KSR2: variants seen among roughly 807,000 people sequenced by gnomAD.
The protein encoded by KSR2 is kinase suppressor of ras 2.
In KSR2, 25 loss-of-function variants were observed where a neutral mutation model predicts 107.8. The observed-to-expected ratio is 0.23, with a 90% CI of 0.17 to 0.32. The LOEUF is 0.32. KSR2 is among the 10% of genes least tolerant of loss of function. KSR2 has a pLI of 1.00. For missense variants in KSR2, 887 were observed against 1,268.9 expected, an observed-to-expected ratio of 0.70 and a Z score of 4.57; for synonymous variants, 480 against 507.0, an observed-to-expected ratio of 0.95 and a Z score of 0.71.
intron 16 of KSR2, among the ~76,000 whole-genome samples, chr12:117,482,961 G>A (rs1254744573): frequency 1.3e-5 from 2 of 152,314 alleles, no homozygotes; most frequent in East Asian, 3.9e-4. Context: ...CAGTTCCCTT[G>A]GGACACTGGG....
intron 3 of KSR2, among the ~76,000 whole-genome samples, chr12:117,809,335 C>T (rs1891114447): frequency 1.3e-5 from 2 of 151,972 alleles, no homozygotes; most frequent in South Asian, 4.1e-4. Flanking sequence ...TTGCGCTGTC[C>T]TGTGTATTGA....
chr12:117,850,704 G>C (rs1469946291), intron 3 of KSR2, among the ~76,000 whole-genome samples: 1 of 151,996 alleles, frequency 6.6e-6, no homozygotes, highest in African/African-American at 2.4e-5. Context: ...TAGCTACCCA[G>C]GAGGCTGAGT....
intron 1 of KSR2, among the ~76,000 whole-genome samples, chr12:117,875,864 A>C (rs371445803): frequency 0.016 from 2,440 of 151,536 alleles, 48 homozygotes; most frequent in African/African-American, 0.041. Flanking sequence ...CCTCCCCCCC[A>C]CCACCACCAC....
intron 10 of KSR2, among the ~76,000 whole-genome samples, chr12:117,533,961 AC>A (rs1282233045): frequency 6.6e-6 from 1 of 152,108 alleles, no homozygotes; most frequent in Non-Finnish European, 1.5e-5. Context: ...TTGTTGGGAG[AC>A]CTGTTCTTCC....
chr12:117,660,952 C>T (rs1454404209), intron 5 of KSR2, among the ~76,000 whole-genome samples: 4 of 152,110 alleles, frequency 2.6e-5, no homozygotes, highest in Non-Finnish European at 1.5e-5. Context: ...CCTGGAAATC[C>T]AAGGGGCAAG....
At chr12:117,778,982 C>A (rs945692639) in intron 3 of KSR2, among the ~76,000 whole-genome samples, 1 of 152,142 alleles carries the variant, frequency 6.6e-6, no homozygotes, top group Non-Finnish European at 1.5e-5. Flanking sequence ...TGACTTGGGG[C>A]GCAGGTTTTC....
At chr12:117,856,310 G>A (rs1407461959) in intron 2 of KSR2, among the ~76,000 whole-genome samples, 1 of 152,082 alleles carries the variant, frequency 6.6e-6, no homozygotes, top group Non-Finnish European at 1.5e-5. Context: ...CCAAAACAGT[G>A]TCTCCCTAGA....
At chr12:117,608,913 T>C (rs1881439868) in intron 5 of KSR2, among the ~76,000 whole-genome samples, 1 of 152,020 alleles carries the variant, frequency 6.6e-6, no homozygotes, top group Non-Finnish European at 1.5e-5. Context: ...TGGGGGGTAA[T>C]AGCTCAGACT....
rs10507284 is a variant in KSR2, at chr12:117,858,112, G to A, written c.321+2179C>T. ...TGGGTTTTTTAGACAGACTCTTTCG[G>A]TTTTTAAGTATTGGCTCAAAATAAA... is the stretch of plus-strand genomic sequence containing the variant. On this transcript the variant is annotated intron_variant, in intron 2 of 19. Coordinates refer to ENST00000339824, the MANE Select transcript of KSR2 (RefSeq NM_173598.6). 0.021 allele frequency among the ~76,000 whole-genome samples: 3,138 copies of A among 152,250 alleles called. 250 individuals are homozygous for A. In the East Asian group the frequency reaches 0.27, roughly 13 times the overall value.
intron 1 of KSR2, among the ~76,000 whole-genome samples, chr12:117,918,729 G>A (rs1005941055): frequency 6.6e-5 from 10 of 151,574 alleles, no homozygotes; most frequent in Non-Finnish European, 1.3e-4. Context: ...CAGAGGTTGT[G>A]GTGAGCCAAG....
chr12:117,845,077 C>A (rs548552928), intron 3 of KSR2, among the ~76,000 whole-genome samples: 1 of 152,108 alleles, frequency 6.6e-6, no homozygotes, highest in Non-Finnish European at 1.5e-5. Context: ...ACCCGGGAGG[C>A]GGAGCGTGCA....
chr12:117,737,479 T>C (rs941789537), intron 4 of KSR2, among the ~76,000 whole-genome samples: 1 of 152,116 alleles, frequency 6.6e-6, no homozygotes, highest in African/African-American at 2.4e-5. Context: ...TTACTGGCCA[T>C]TTCTTTAAAT....
At chr12:117,870,145 G>C (rs1405980573) in intron 1 of KSR2, among the ~76,000 whole-genome samples, 1 of 152,146 alleles carries the variant, frequency 6.6e-6, no homozygotes, top group Non-Finnish European at 1.5e-5. Flanking sequence ...ACCCCTCAGG[G>C]GCAGAGAGAG....
chr12:117,562,243 C>T (rs747115905), intron 7 of KSR2, among the ~76,000 whole-genome samples: 12 of 133,738 alleles, frequency 9.0e-5, no homozygotes, highest in African/African-American at 1.2e-4. Flanking sequence ...GAGAACAACA[C>T]GAATGGTGGG....
chr12:117,849,679 C>A (rs1246053384), intron 3 of KSR2, among the ~76,000 whole-genome samples: 1 of 152,136 alleles, frequency 6.6e-6, no homozygotes, highest in Non-Finnish European at 1.5e-5. Flanking sequence ...TAAAATAAAG[C>A]TACCTCCATC....
intron 7 of KSR2, among the ~76,000 whole-genome samples, chr12:117,569,831 G>C (rs1878762631): frequency 6.6e-6 from 1 of 151,990 alleles, no homozygotes; most frequent in Non-Finnish European, 1.5e-5. Context: ...TATATATAAG[G>C]ATTCACCCTA....
intron 17 of KSR2, among the ~76,000 whole-genome samples, chr12:117,474,834 G>A (rs1043563624): frequency 2.0e-5 from 3 of 151,990 alleles, no homozygotes; most frequent in African/African-American, 7.3e-5. Flanking sequence ...TCATCTCCAC[G>A]ATAGCTCAAA....
intron 5 of KSR2, among the ~76,000 whole-genome samples, chr12:117,665,302 T>C (rs921880172): frequency 6.6e-6 from 1 of 152,124 alleles, no homozygotes; most frequent in Non-Finnish European, 1.5e-5. Context: ...CCATGATGAA[T>C]CCTCAAAAAC....
chr12:117,637,727 G>C (rs764641538), intron 5 of KSR2, among the ~76,000 whole-genome samples: 11 of 120,332 alleles, frequency 9.1e-5, no homozygotes, highest in Non-Finnish European at 1.6e-4. Context: ...TGTTGCCCAG[G>C]CTGGAGTGCA....
Sources: allele counts gnomAD v4.1 joint callset (sites outside exome capture counted in the v4.1 genomes callset), GRCh38; gene constraint gnomAD v4.1.1; transcripts MANE v1.5; gene names NCBI Gene and HGNC (gene_info 2026-07-23, HGNC 2026-07-21).